Variants in STRIP2 observed in about 807,000 individuals in gnomAD.
The protein encoded by STRIP2 is striatin-interacting protein 2.
In STRIP2, 84 loss-of-function variants were observed where a neutral mutation model predicts 107.1. The observed-to-expected ratio is 0.78, with a 90% CI of 0.66 to 0.94. The LOEUF (loss-of-function observed/expected upper bound fraction) is 0.94. Ranked by LOEUF, STRIP2 falls within the 40% of genes least tolerant of loss-of-function variation. The pLI, the probability that STRIP2 is intolerant of heterozygous loss-of-function variation, is 0.00. For missense variants in STRIP2, 888 were observed against 1,034.2 expected (o/e 0.86, Z 1.94); for synonymous variants, 394 against 400.4 (o/e 0.98, Z 0.19).
In STRIP2 at chr7:129,451,672, C is replaced by T; in HGVS notation, c.334C>T (p.Leu112Phe). ...EDAQKAYIMG[L>F]LDRLEVVSRE... ...TGCCCAAAAGGCCTATATAATGGGA[C>T]TCTTGGACCGGCTAGAGGTGGTCAG... The change falls in exon 4 of 21, where the codon CTC becomes TTC. Residue 112 changes from leucine (L) to phenylalanine (F), a missense_variant. Coordinates refer to ENST00000249344, the MANE Select transcript of STRIP2 (RefSeq NM_020704.3). 6.2e-7 allele frequency: 1 copy of T among 1,614,130 alleles called. No homozygotes were observed. The highest frequency in any genetic ancestry group is 8.5e-7 in the Non-Finnish European group (1 of 1,180,036).
At chr7:129,460,656 G>T (rs1798507621) in intron 13 of STRIP2, 2 of 407,102 alleles carry the variant, frequency 4.9e-6, no homozygotes, top group Non-Finnish European at 9.2e-6. Flanking sequence ...GGCAGTTGGA[G>T]TAGGTAGACC....
At chr7:129,435,352 T>C (rs1483468397) in intron 1 of STRIP2, among the ~76,000 whole-genome samples, 1 of 152,216 alleles carries the variant, frequency 6.6e-6, no homozygotes, top group African/African-American at 2.4e-5. Context: ...TATCCCCTCA[T>C]TGAGGCAGTT....
At position 129,459,592 on chromosome 7, in the gene STRIP2, G is replaced by A; in HGVS notation, c.1404+12G>A. ...AGACCCTAAAGCAGGTGACTGGGGTGGGCTCTCAGTCTTCAGGGATAGGGA... is the reference window on the plus strand; with the variant it reads ...AGACCCTAAAGCAGGTGACTGGGGTAGGCTCTCAGTCTTCAGGGATAGGGA... On this transcript the variant is annotated intron_variant, in intron 12 of 20. Coordinates refer to ENST00000249344, the MANE Select transcript of STRIP2 (RefSeq NM_020704.3). 1 of 1,611,364 alleles carries A rather than the reference G, an allele frequency of 6.2e-7. No homozygotes were observed.
intron 17 of STRIP2, 78 bp downstream of exon 17, chr7:129,467,528 A>T: frequency 2.9e-6 from 3 of 1,023,880 alleles, no homozygotes; most frequent in Non-Finnish European, 4.4e-6. Context: ...GGAGCCTTTC[A>T]GTTTTCCTGG....
chr7:129,463,559 G>T (rs181542345), intron 14 of STRIP2, among the ~76,000 whole-genome samples: 1 of 151,460 alleles, frequency 6.6e-6, no homozygotes, highest in Non-Finnish European at 1.5e-5. Flanking sequence ...GCAGTGGCAC[G>T]ATCTTGGCCC....
chr7:129,453,171 A>G (rs1798242796), intron 4 of STRIP2, 56 bp from the exon 5 acceptor site: 1 of 1,606,512 alleles, frequency 6.2e-7, no homozygotes, highest in Admixed American at 1.7e-5. Flanking sequence ...GGCAGGGTGG[A>G]AAGAACTGGG....
At chr7:129,448,444 C>A (rs1243476293) in intron 3 of STRIP2, among the ~76,000 whole-genome samples, 1 of 152,182 alleles carries the variant, frequency 6.6e-6, no homozygotes, top group Admixed American at 6.5e-5. Context: ...CTCAAGGGAA[C>A]CCGGCCTCCC....
intron 20 of STRIP2, among the ~76,000 whole-genome samples, chr7:129,484,867 T>C (rs1799207472): frequency 6.6e-6 from 1 of 152,232 alleles, no homozygotes; most frequent in Non-Finnish European, 1.5e-5. Context: ...TGATAAACCC[T>C]TGCATGTAGA....
At chr7:129,449,333 C>G (rs1199753447) in intron 3 of STRIP2, among the ~76,000 whole-genome samples, 1 of 152,192 alleles carries the variant, frequency 6.6e-6, no homozygotes, top group Non-Finnish European at 1.5e-5. Context: ...CACTCTCAAC[C>G]TCACCTCTAG....
intron 18 of STRIP2, among the ~76,000 whole-genome samples, chr7:129,480,026 G>A (rs1304668899): frequency 6.6e-6 from 1 of 152,108 alleles, no homozygotes; most frequent in Non-Finnish European, 1.5e-5. Context: ...GTAGATGTGA[G>A]GAATTTCCAA....
At chr7:129,469,177 A>G (rs565897200) in intron 17 of STRIP2, among the ~76,000 whole-genome samples, 4 of 152,324 alleles carry the variant, frequency 2.6e-5, no homozygotes, top group South Asian at 4.1e-4. Flanking sequence ...AGACAATTCA[A>G]TAGATGTCCA....
chr7:129,435,268 C>G (rs1031815771), intron 1 of STRIP2, among the ~76,000 whole-genome samples: 2 of 152,198 alleles, frequency 1.3e-5, no homozygotes, highest in African/African-American at 2.4e-5. Flanking sequence ...GTGAATATTT[C>G]GATCTCTTCC....
At chr7:129,449,574 C>T (rs1467768573) in intron 3 of STRIP2, among the ~76,000 whole-genome samples, 1 of 152,116 alleles carries the variant, frequency 6.6e-6, no homozygotes, top group East Asian at 1.9e-4. Context: ...GAAACTGTTC[C>T]TCCTGGCAAA....
At chr7:129,435,081 G>C (rs943075264) in intron 1 of STRIP2, among the ~76,000 whole-genome samples, 1 of 152,116 alleles carries the variant, frequency 6.6e-6, no homozygotes, top group Non-Finnish European at 1.5e-5. Context: ...GGCCAGCCGA[G>C]GGACTTCTGC....
At chr7:129,467,163 C>T (rs1385976406) in intron 16 of STRIP2, among the ~76,000 whole-genome samples, 187 bp from the exon 17 acceptor site, 1 of 152,214 alleles carries the variant, frequency 6.6e-6, no homozygotes, top group Non-Finnish European at 1.5e-5. Flanking sequence ...AGATTATCCC[C>T]CTCCATGTAG....
intron 3 of STRIP2, 83 bp downstream of exon 3, chr7:129,444,181 G>T: frequency 1.0e-6 from 1 of 988,728 alleles, no homozygotes. Context: ...CTAAAACAAA[G>T]TGCGATCCTT....
chr7:129,447,529 T>A (rs1044234922), intron 3 of STRIP2, among the ~76,000 whole-genome samples: 1 of 152,210 alleles, frequency 6.6e-6, no homozygotes, highest in African/African-American at 2.4e-5. Context: ...ATGTCATCAA[T>A]GTAATGGACC....
Position 129,464,673 on chromosome 7 carries a change from G to T in STRIP2, c.1711G>T (p.Val571Leu), listed in dbSNP as rs752064471. ...IDVNRHKEII[V>L]KSISTLLLLL... ...TGTGAACAGGCACAAGGAGATTATT[G>T]TAAAGAGTATCTCTACCCTGCTTCT... The change falls in exon 16 of 21, where the codon GTA becomes TTA. Residue 571 changes from valine to leucine, a missense_variant. Physicochemically the swap from Val to Leu is conservative, Grantham distance 32 (BLOSUM62 1). Transcript: ENST00000249344. 6.2e-7 allele frequency: 1 copy of T among 1,613,906 alleles called. No individual in the cohort carries two copies. The highest frequency in any genetic ancestry group is 1.7e-5 in the Admixed American group (1 of 59,988).
intron 17 of STRIP2, among the ~76,000 whole-genome samples, chr7:129,468,739 G>A (rs1199728336): frequency 6.6e-6 from 1 of 152,118 alleles, no homozygotes; most frequent in Non-Finnish European, 1.5e-5. Flanking sequence ...AACACTCTTG[G>A]TTAAAAGTAA....
Sources: allele counts gnomAD v4.1 joint callset (sites outside exome capture counted in the v4.1 genomes callset), GRCh38; gene constraint gnomAD v4.1.1; transcripts MANE v1.5; gene names NCBI Gene and HGNC (gene_info 2026-07-23, HGNC 2026-07-21).